TMEM178B: variants seen among roughly 807,000 people sequenced by gnomAD.
TMEM178B encodes the protein transmembrane protein 178B.
In TMEM178B, 5 loss-of-function variants were observed where a neutral mutation model predicts 31.0. That is an observed-to-expected ratio of 0.16 (90% CI 0.08 to 0.34). The LOEUF (loss-of-function observed/expected upper bound fraction) is 0.34. Ranked by LOEUF, TMEM178B falls within the 10% of genes least tolerant of loss-of-function variation. The pLI, the probability that TMEM178B is intolerant of heterozygous loss-of-function variation, is 1.00. For missense variants in TMEM178B, 275 were observed against 400.3 expected (o/e 0.69, Z 2.67); for synonymous variants, 164 against 164.0 (o/e 1.00, Z 0.00).
At chr7:141,224,518 C>T (rs1208917214) in intron 2 of TMEM178B, among the ~76,000 whole-genome samples, 1 of 152,232 alleles carries the variant, frequency 6.6e-6, no homozygotes, top group East Asian at 1.9e-4. Flanking sequence ...GCTCACCACT[C>T]AGCCCTTGGG....
chr7:141,268,262 AG>A (rs1306798463), intron 2 of TMEM178B, among the ~76,000 whole-genome samples: 2 of 152,264 alleles, frequency 1.3e-5, no homozygotes, highest in East Asian at 3.8e-4. Context: ...AATTGAAGCA[AG>A]AACAAGCATC....
intron 2 of TMEM178B, among the ~76,000 whole-genome samples, chr7:141,215,834 C>CTTTCTTTCTTTTCT (rs1554463700): frequency 3.5e-5 from 1 of 28,848 alleles, no homozygotes; most frequent in African/African-American, 9.1e-5. Context: ...TTCTTTCTTT[C>CTTTCTTTCTTTTCT]TTTCTTTTCT....
intron 2 of TMEM178B, among the ~76,000 whole-genome samples, chr7:141,379,729 T>C (rs185305174): frequency 5.9e-5 from 9 of 152,276 alleles, no homozygotes; most frequent in Admixed American, 4.6e-4. Flanking sequence ...CATAGATTCA[T>C]ATGGTACCTT....
intron 3 of TMEM178B, among the ~76,000 whole-genome samples, chr7:141,448,318 C>T (rs190859008): frequency 3.2e-4 from 48 of 152,134 alleles, no homozygotes; most frequent in African/African-American, 1.1e-3. Flanking sequence ...GATTTAAAGC[C>T]ATTATTTCAA....
rs766222442 is a variant in TMEM178B, at chr7:141,082,764, A to C, written c.382+8072A>C. ...CCTAAGGGAGCTTACACTCCAGCTC[A>C]TGGTTTCCCAAGTTCATTGTCATGT... is the stretch of plus-strand genomic sequence containing the variant. On this transcript the variant is annotated intron_variant, in intron 1 of 3. Coordinates refer to ENST00000565468, the MANE Select transcript of TMEM178B (RefSeq NM_001195278.2). 5.3e-4 allele frequency among the ~76,000 whole-genome samples: 81 copies of C among 152,232 alleles called. 1 individual carries two copies. The highest frequency in any genetic ancestry group is 1.6e-4 in the Non-Finnish European group (11 of 68,042).
At chr7:141,304,022 A>C (rs1798771374) in intron 2 of TMEM178B, among the ~76,000 whole-genome samples, 1 of 152,206 alleles carries the variant, frequency 6.6e-6, no homozygotes, top group South Asian at 2.1e-4. Context: ...TCAATCAATC[A>C]GGTTTTTGGA....
chr7:141,278,668 T>C (rs1477343043), intron 2 of TMEM178B, among the ~76,000 whole-genome samples: 2 of 152,078 alleles, frequency 1.3e-5, no homozygotes, highest in Non-Finnish European at 2.9e-5. Flanking sequence ...GGTCTAGAAA[T>C]CATGTTGAGT....
rs1383049474 is a variant in TMEM178B at position 141,388,417 on chromosome 7, T to G, written c.497-49191T>G. On this transcript the variant is annotated intron_variant, in intron 2 of 3. Coordinates refer to ENST00000565468, the MANE Select transcript of TMEM178B (RefSeq NM_001195278.2). ...ATATCACTGTGAACTCACTAAAGAT[T>G]GATCTACTTTCCTCTAGGTAAAAAA... 3.3e-5 allele frequency among the ~76,000 whole-genome samples: 5 copies of G among 152,240 alleles called. No homozygotes were observed. In the East Asian group the frequency reaches 9.6e-4, roughly 29 times the overall value.
At chr7:141,291,600 G>A (rs1798546855) in intron 2 of TMEM178B, among the ~76,000 whole-genome samples, 1 of 152,150 alleles carries the variant, frequency 6.6e-6, no homozygotes, top group Non-Finnish European at 1.5e-5. Context: ...GCCCCAGGGG[G>A]AGGTGGTAAA....
intron 2 of TMEM178B, among the ~76,000 whole-genome samples, chr7:141,349,747 G>A (rs1042248168): frequency 5.9e-5 from 9 of 152,180 alleles, no homozygotes; most frequent in African/African-American, 2.2e-4. Context: ...TATAATAACA[G>A]TGTCAAGGCC....
At chr7:141,306,385 A>G (rs1459996882) in intron 2 of TMEM178B, among the ~76,000 whole-genome samples, 1 of 152,166 alleles carries the variant, frequency 6.6e-6, no homozygotes, top group African/African-American at 2.4e-5. Context: ...CTGTGTTAAT[A>G]ATGCACATGG....
chr7:141,464,013 C>T (rs1802106474), intron 3 of TMEM178B, among the ~76,000 whole-genome samples: 1 of 152,144 alleles, frequency 6.6e-6, no homozygotes. Flanking sequence ...GAAGGCAGGA[C>T]TCCAGTGATC....
intron 2 of TMEM178B, among the ~76,000 whole-genome samples, chr7:141,295,298 G>A (rs1798612585): frequency 6.6e-6 from 1 of 152,210 alleles, no homozygotes; most frequent in Non-Finnish European, 1.5e-5. Context: ...TTGAATTTAG[G>A]TATTTGGCTT....
At chr7:141,250,559 A>G (rs1349307295) in intron 2 of TMEM178B, among the ~76,000 whole-genome samples, 1 of 152,156 alleles carries the variant, frequency 6.6e-6, no homozygotes, top group East Asian at 1.9e-4. Flanking sequence ...GCTCAAAGGA[A>G]AGAACACAGG....
chr7:141,114,668 C>T (rs1334834245), intron 1 of TMEM178B, among the ~76,000 whole-genome samples: 7 of 152,238 alleles, frequency 4.6e-5, no homozygotes, highest in African/African-American at 1.7e-4. Flanking sequence ...TGTGCCGGTG[C>T]ACTGGCTTTC....
At chr7:141,234,563 A>G (rs1315509419) in intron 2 of TMEM178B, among the ~76,000 whole-genome samples, 1 of 152,188 alleles carries the variant, frequency 6.6e-6, no homozygotes, top group African/African-American at 2.4e-5. Context: ...TTCTGTGTCC[A>G]GGGTGGTGAG....
At chr7:141,202,209 G>T (rs141378424) in intron 1 of TMEM178B, among the ~76,000 whole-genome samples, 2,228 of 152,224 alleles carry the variant, frequency 0.015, 58 homozygotes, top group African/African-American at 0.051. Context: ...GCATCATTTT[G>T]ACCATCAGGA....
intron 1 of TMEM178B, among the ~76,000 whole-genome samples, chr7:141,169,800 A>T (rs889654215): frequency 6.6e-6 from 1 of 152,230 alleles, no homozygotes; most frequent in Non-Finnish European, 1.5e-5. Flanking sequence ...CTTTTATATT[A>T]TATGCCAATA....
intron 2 of TMEM178B, among the ~76,000 whole-genome samples, chr7:141,316,828 A>G (rs1447453448): frequency 3.9e-5 from 6 of 152,294 alleles, no homozygotes; most frequent in African/African-American, 1.4e-4. Flanking sequence ...TTAAGTTGGT[A>G]TGTTTATAAA....
Sources: allele counts gnomAD v4.1 joint callset (sites outside exome capture counted in the v4.1 genomes callset), GRCh38; gene constraint gnomAD v4.1.1; transcripts MANE v1.5; gene names NCBI Gene and HGNC (gene_info 2026-07-23, HGNC 2026-07-21).